RAB5C: variants seen among roughly 807,000 people sequenced by gnomAD.
RAB5C encodes the protein ras-related protein Rab-5C.
RAB5C carries 4 observed loss-of-function variants against 25.2 expected under a neutral mutation model. The ratio of observed to expected loss-of-function variants is 0.16; its 90% CI spans 0.08 to 0.36. RAB5C has a LOEUF of 0.36. RAB5C is among the 10% of genes least tolerant of loss of function. The pLI is 1.00. For missense variants in RAB5C, 199 were observed against 283.8 expected, an observed-to-expected ratio of 0.70 and a Z score of 2.15; for synonymous variants, 100 against 106.4, an observed-to-expected ratio of 0.94 and a Z score of 0.37.
chr17:42,141,657 C>A lies in RAB5C; in HGVS notation c.-88-11067G>T, dbSNP rs530293109. On this transcript the variant is annotated intron_variant, in intron 1 of 5. Coordinates refer to ENST00000346213, the MANE Select transcript of RAB5C (RefSeq NM_004583.4). ...TAAGAGCACAAGTGCTGGAGTCAGA[C>A]AACTTGAACTTCAGTTCAAGTTCTG... Among the ~76,000 whole-genome samples, 5 of 152,318 alleles carry A rather than the reference C, an allele frequency of 3.3e-5. No homozygotes were observed. The South Asian group carries it at 6.2e-4, about 19-fold the overall frequency.
At chr17:42,138,349 G>C (rs1296880051) in intron 1 of RAB5C, among the ~76,000 whole-genome samples, 8 of 152,218 alleles carry the variant, frequency 5.3e-5, no homozygotes, top group African/African-American at 1.9e-4. Context: ...AGAAGCTTAA[G>C]AGCCCAGGGT....
At chr17:42,141,681 T>C (rs2079604055) in intron 1 of RAB5C, among the ~76,000 whole-genome samples, 1 of 152,180 alleles carries the variant, frequency 6.6e-6, no homozygotes, top group African/African-American at 2.4e-5. Flanking sequence ...GTTCAAGTTC[T>C]GGAGGCACCA....
chr17:42,149,720 G>A (rs78680046), intron 1 of RAB5C, among the ~76,000 whole-genome samples: 2,516 of 152,140 alleles, frequency 0.017, 71 homozygotes, highest in African/African-American at 0.058. Flanking sequence ...GTGGCACAGC[G>A]TTCTCTTCTG....
intron 1 of RAB5C, among the ~76,000 whole-genome samples, chr17:42,130,828 C>T (rs1297908997): frequency 6.6e-6 from 1 of 151,806 alleles, no homozygotes. Context: ...CAACTTCAGG[C>T]TCATGGTTCT....
At chr17:42,151,637 C>G (rs1011516143) in intron 1 of RAB5C, among the ~76,000 whole-genome samples, 62 of 152,280 alleles carry the variant, frequency 4.1e-4, no homozygotes, top group African/African-American at 1.3e-3. Flanking sequence ...GTTGCTTCCC[C>G]CTTAACCCTG....
Position 42,126,827 on chromosome 17 carries a change from C to T in RAB5C, c.463G>A (p.Asp155Asn), listed in dbSNP as rs566170921. The T allele has an allele frequency of 5.4e-5, 87 of 1,612,520 alleles. No homozygotes were observed. The highest frequency in any genetic ancestry group is 1.8e-4 in the Admixed American group (11 of 60,000). ...EFQEAQAYAD[D>N]NSLLFMETSA... is the part of the protein sequence containing the mutation. ...GTCTCCATGAACAGCAAACTGTTGT[C>T]GTCTGCATAGGCTTGTGCTTCCTGG... Residue 155 changes from aspartate to asparagine, a missense_variant, in exon 5 of 6, where the codon GAC (aspartate) becomes AAC (asparagine). Coordinates refer to ENST00000346213, the MANE Select transcript of RAB5C (RefSeq NM_004583.4).
rs925280473 is a variant in RAB5C, at chr17:42,149,876, GTTT to G, written c.-89+5014_-89+5016del. ...GGGTCTCATTATGTTGCCCAGGCTG[GTTT>G]TTTTTTTTTTTTTTTTTGAGATAGA... On this transcript the variant is annotated intron_variant, in intron 1 of 5. Coordinates refer to ENST00000346213, the MANE Select transcript of RAB5C (RefSeq NM_004583.4). 1.2e-4 allele frequency among the ~76,000 whole-genome samples: 14 copies of G among 121,166 alleles called. No individual in the cohort carries two copies. The East Asian group carries it at 2.8e-3, about 24-fold the overall frequency. 79.5% of individuals were successfully genotyped at this position (121,166 alleles called of 152,430 possible).
chr17:42,131,481 AAT>A (rs1410126986), intron 1 of RAB5C: 1 of 911,842 alleles, frequency 1.1e-6, no homozygotes, highest in African/African-American at 1.7e-5. Flanking sequence ...CACACACAGA[AAT>A]ACACACCAAA....
At chr17:42,146,484 C>G (rs746585373) in intron 1 of RAB5C, among the ~76,000 whole-genome samples, 1 of 152,208 alleles carries the variant, frequency 6.6e-6, no homozygotes, top group African/African-American at 2.4e-5. Flanking sequence ...GGCACAGTGG[C>G]TCACACCTGT....
chr17:42,137,112 C>T (rs1251654366), intron 1 of RAB5C, among the ~76,000 whole-genome samples: 1 of 151,868 alleles, frequency 6.6e-6, no homozygotes, highest in Admixed American at 6.6e-5. Flanking sequence ...TGGAGACCAG[C>T]CTGTCCAACC....
intron 2 of RAB5C, 127 bp downstream of exon 2, chr17:42,130,210 G>A (rs2054470059): frequency 7.5e-7 from 1 of 1,336,946 alleles, no homozygotes; most frequent in African/African-American, 1.5e-5. Flanking sequence ...CCCAGGTGAG[G>A]AAGTGGGGCT....
chr17:42,141,233 T>C (rs553153395), intron 1 of RAB5C, among the ~76,000 whole-genome samples: 44 of 152,302 alleles, frequency 2.9e-4, no homozygotes, highest in Non-Finnish European at 5.6e-4. Flanking sequence ...CACTTCTGCT[T>C]CCATGGCCCC....
At chr17:42,144,639 C>G (rs2079621344) in intron 1 of RAB5C, among the ~76,000 whole-genome samples, 1 of 150,480 alleles carries the variant, frequency 6.6e-6, no homozygotes, top group South Asian at 2.1e-4. Flanking sequence ...TGGTGAAACC[C>G]CATCTCAGGG....
At chr17:42,141,570 G>C (rs2079603629) in intron 1 of RAB5C, among the ~76,000 whole-genome samples, 1 of 152,142 alleles carries the variant, frequency 6.6e-6, no homozygotes, top group Admixed American at 6.5e-5. Context: ...GAGCCACAGA[G>C]CAGCTGAGGA....
At chr17:42,154,615 A>C (rs920704258) in intron 1 of RAB5C, 25 of 152,304 alleles carry the variant, frequency 1.6e-4, no homozygotes, top group African/African-American at 5.8e-4. Flanking sequence ...TTCTGGAAGC[A>C]GGGGGAGCGG....
chr17:42,130,316 G>A lies in RAB5C; in HGVS notation c.166+21C>T, dbSNP rs200732340. 1,337 of 1,576,992 alleles carry A rather than the reference G, an allele frequency of 8.5e-4. 23 individuals are homozygous for A. The South Asian group carries it at 0.014, about 17-fold the overall frequency. On this transcript the variant is annotated intron_variant, in intron 2 of 5. Transcript: ENST00000346213. ...TTTGGCAACCTTCAGGCCCCTCCCC[G>A]ACTCCCTCATGCCCACTCACCTCCA...
At chr17:42,138,723 C>T (rs2054562404) in intron 1 of RAB5C, among the ~76,000 whole-genome samples, 1 of 152,218 alleles carries the variant, frequency 6.6e-6, no homozygotes, top group Non-Finnish European at 1.5e-5. Flanking sequence ...ACACCAACTC[C>T]ACCAATACCT....
chr17:42,140,616 T>A (rs968420493), intron 1 of RAB5C, among the ~76,000 whole-genome samples: 13 of 146,342 alleles, frequency 8.9e-5, no homozygotes, highest in African/African-American at 3.2e-4. Context: ...CTCCACCTCC[T>A]GGGTTCAAGC....
At chr17:42,151,970 G>A (rs1399153844) in intron 1 of RAB5C, among the ~76,000 whole-genome samples, 3 of 152,084 alleles carry the variant, frequency 2.0e-5, no homozygotes, top group African/African-American at 7.2e-5. Context: ...AACAAACCAG[G>A]CCGAAGAAGG....
Sources: allele counts gnomAD v4.1 joint callset (sites outside exome capture counted in the v4.1 genomes callset), GRCh38; gene constraint gnomAD v4.1.1; transcripts MANE v1.5; gene names NCBI Gene and HGNC (gene_info 2026-07-23, HGNC 2026-07-21).